CNTNAP4: variants seen among roughly 807,000 people sequenced by gnomAD.
CNTNAP4 encodes the protein contactin associated protein family member 4, also known as contactin-associated protein-like 4.
Under a neutral mutation model 148.4 loss-of-function variants are expected in CNTNAP4, and 98 were observed. The observed-to-expected ratio is 0.66, with a 90% CI of 0.56 to 0.78. The LOEUF is 0.78. Among genes scored for constraint, CNTNAP4 ranks in the 30% least tolerant of loss-of-function variants. CNTNAP4 has a pLI of 0.00. For synonymous variants in CNTNAP4, 730 were observed against 565.1 expected, an observed-to-expected ratio of 1.29 and a Z score of -4.14; for missense variants, 1,935 against 1,565.6, an observed-to-expected ratio of 1.24 and a Z score of -3.98.
At chr16:76,443,465 G>C (rs1506835) in intron 4 of CNTNAP4, among the ~76,000 whole-genome samples, 53,037 of 151,958 alleles carry the variant, frequency 0.35, 10,065 homozygotes, top group Middle Eastern at 0.5. Context: ...AATTCCTGTA[G>C]TCTCAACTAC....
At chr16:76,405,286 G>C (rs893438976) in intron 3 of CNTNAP4, among the ~76,000 whole-genome samples, 5 of 152,086 alleles carry the variant, frequency 3.3e-5, no homozygotes, top group African/African-American at 1.2e-4. Flanking sequence ...TTTTTTCCCA[G>C]TAGCTATTTA....
chr16:76,445,363 C>T (rs2080200829), intron 4 of CNTNAP4, among the ~76,000 whole-genome samples: 1 of 152,120 alleles, frequency 6.6e-6, no homozygotes, highest in Non-Finnish European at 1.5e-5. Flanking sequence ...AATGGAAACA[C>T]CATGAGGACA....
intron 3 of CNTNAP4, among the ~76,000 whole-genome samples, chr16:76,379,269 A>G (rs1003037383): frequency 6.6e-6 from 1 of 152,176 alleles, no homozygotes; most frequent in Non-Finnish European, 1.5e-5. Flanking sequence ...GAAGCATGTC[A>G]GGGAAGTTCA....
In CNTNAP4 at chr16:76,372,079, T is replaced by G. The variant is rs13335117; in HGVS notation, c.390+16568T>G. 6.4e-3 allele frequency among the ~76,000 whole-genome samples: 971 copies of G among 152,286 alleles called. 9 individuals are homozygous for G. The highest frequency in any genetic ancestry group is 0.022 in the African/African-American group (899 of 41,556). On this transcript the variant is annotated intron_variant, in intron 3 of 23. Coordinates refer to ENST00000611870, the MANE Select transcript of CNTNAP4 (RefSeq NM_033401.5). ...ACCGAATTTCCAATTCACCCATCTA[T>G]TTTTGTTCTATTTCATTCTACTTAT...
At chr16:76,472,220 G>C (rs73621025) in intron 10 of CNTNAP4, among the ~76,000 whole-genome samples, 4,537 of 146,800 alleles carry the variant, frequency 0.031, 248 homozygotes, top group African/African-American at 0.11. Context: ...GTGAGAATGA[G>C]TACTATAGAA....
chr16:76,427,485 G>T lies in CNTNAP4; in HGVS notation c.424G>T (p.Val142Leu), dbSNP rs777657650. ...FSGNANADSV[V>L]YYRLQPSIKA... ...AGGAAATGCAAATGCAGACAGTGTT[G>T]TGTACTATAGACTCCAGCCTTCTAT... Residue 142 changes from valine to leucine, a missense_variant, in exon 4 of 24, where the codon GTG becomes TTG. Coordinates refer to ENST00000611870, the MANE Select transcript of CNTNAP4 (RefSeq NM_033401.5). The T allele has an allele frequency of 1.2e-6, 2 of 1,611,918 alleles. No individual in the cohort carries two copies. The highest frequency in any genetic ancestry group is 2.7e-5 in the African/African-American group (2 of 74,792).
At chr16:76,314,199 A>T (rs1264052743) in intron 1 of CNTNAP4, among the ~76,000 whole-genome samples, 1 of 152,234 alleles carries the variant, frequency 6.6e-6, no homozygotes, top group African/African-American at 2.4e-5. Flanking sequence ...TATATTTTAT[A>T]TGAAACATCA....
At chr16:76,470,840 C>T (rs1189229489) in intron 10 of CNTNAP4, among the ~76,000 whole-genome samples, 1 of 152,110 alleles carries the variant, frequency 6.6e-6, no homozygotes, top group Non-Finnish European at 1.5e-5. Flanking sequence ...GCTATTCACA[C>T]ACACTCTACA....
intron 12 of CNTNAP4, among the ~76,000 whole-genome samples, chr16:76,481,721 G>T (rs1597686848): frequency 6.6e-6 from 1 of 152,286 alleles, no homozygotes; most frequent in East Asian, 1.9e-4. Context: ...GAGGCAGAGG[G>T]TGTTGCAAGG....
At chr16:76,542,069 T>C (rs1355647166) in intron 21 of CNTNAP4, among the ~76,000 whole-genome samples, 3 of 152,216 alleles carry the variant, frequency 2.0e-5, no homozygotes, top group Non-Finnish European at 2.9e-5. Context: ...TCCTCTGATG[T>C]ATAATTAACA....
rs115179521 is a variant in CNTNAP4, at chr16:76,387,658, A to G, written c.390+32147A>G. On this transcript the variant is annotated intron_variant, in intron 3 of 23. Coordinates refer to ENST00000611870, the MANE Select transcript of CNTNAP4 (RefSeq NM_033401.5). ...ACTTCAGAATTAATGCTCATGAAAT[A>G]ATCAGCAAAGAAGAAATGAAAATTA... Among the ~76,000 whole-genome samples, 133 of 152,360 alleles carry G rather than the reference A, an allele frequency of 8.7e-4. 2 individuals carry two copies. The highest frequency in any genetic ancestry group is 3.1e-3 in the African/African-American group (131 of 41,590).
At chr16:76,314,671 T>C (rs1440582161) in intron 1 of CNTNAP4, among the ~76,000 whole-genome samples, 1 of 152,180 alleles carries the variant, frequency 6.6e-6, no homozygotes, top group African/African-American at 2.4e-5. Flanking sequence ...ATCGGTTCCC[T>C]TAACCATAAG....
intron 3 of CNTNAP4, among the ~76,000 whole-genome samples, chr16:76,377,146 C>G (rs1013651342): frequency 6.6e-6 from 1 of 152,090 alleles, no homozygotes; most frequent in African/African-American, 2.4e-5. Flanking sequence ...CCAGGGAAGT[C>G]AGTCTTTTTT....
intron 15 of CNTNAP4, among the ~76,000 whole-genome samples, chr16:76,503,219 T>TCTC (rs1450555188): frequency 2.0e-5 from 3 of 152,162 alleles, no homozygotes; most frequent in Non-Finnish European, 4.4e-5. Context: ...GAATGTCTGC[T>TCTC]CTCACTACTC....
intron 3 of CNTNAP4, among the ~76,000 whole-genome samples, chr16:76,419,228 G>A (rs2079093971): frequency 6.6e-6 from 1 of 151,884 alleles, no homozygotes; most frequent in Admixed American, 6.6e-5. Context: ...GACTCCTGTT[G>A]CTTTTTTTTC....
chr16:76,420,279 A>ATATTAGAATAATGTATATTATGTAG (rs1324649016), intron 3 of CNTNAP4, among the ~76,000 whole-genome samples: 3 of 150,212 alleles, frequency 2.0e-5, no homozygotes, highest in Non-Finnish European at 4.5e-5. Context: ...TATAGGAGAT[A>ATATTAGAATAATGTATATTATGTAG]AATATTAATT....
intron 2 of CNTNAP4, among the ~76,000 whole-genome samples, chr16:76,338,961 G>A (rs1964244661): frequency 6.6e-6 from 1 of 152,146 alleles, no homozygotes; most frequent in South Asian, 2.1e-4. Context: ...TTTTGATTAT[G>A]TGCTGATAAA....
chr16:76,421,919 T>G (rs190991091), intron 3 of CNTNAP4, among the ~76,000 whole-genome samples: 330 of 152,308 alleles, frequency 2.2e-3, no homozygotes, highest in Non-Finnish European at 3.9e-3. Context: ...GTCCCATGTT[T>G]CTGATTTATA....
At chr16:76,382,465 C>G (rs920996937) in intron 3 of CNTNAP4, among the ~76,000 whole-genome samples, 3 of 152,006 alleles carry the variant, frequency 2.0e-5, no homozygotes, top group Non-Finnish European at 4.4e-5. Context: ...TGTGCTGTGA[C>G]TCAGAAACTT....
Sources: gnomAD v4.1 joint callset for allele counts (sites outside exome capture counted in the v4.1 genomes callset) on GRCh38, gnomAD v4.1.1 for gene constraint, MANE v1.5 for transcripts, NCBI Gene and HGNC (gene_info 2026-07-23, HGNC 2026-07-21) for gene names.